The following ZKSCAN7 variants were observed in gnomAD, a reference collection of about 807,000 sequenced individuals.
ZKSCAN7 encodes the protein zinc finger with KRAB and SCAN domains 7, also known as zinc finger protein with KRAB and SCAN domains 7.
In ZKSCAN7, 38 loss-of-function variants were observed where a neutral mutation model predicts 65.3. The observed-to-expected ratio is 0.58, with a 90% CI of 0.45 to 0.76. The LOEUF is 0.76. Ranked by LOEUF, ZKSCAN7 falls within the 30% of genes least tolerant of loss-of-function variation. The pLI is 0.00. For missense variants in ZKSCAN7, 815 were observed against 913.3 expected (o/e 0.89, Z 1.39); for synonymous variants, 321 against 321.0 (o/e 1.00, Z 0.00).
chr3:44,569,840 C>T, intron 5 of ZKSCAN7, 82 bp from the exon 6 acceptor site: 1 of 1,434,514 alleles, frequency 7.0e-7, no homozygotes, highest in Non-Finnish European at 9.1e-7. Flanking sequence ...GACTTTTTTT[C>T]AGGTATGTTA....
intron 3 of ZKSCAN7, among the ~76,000 whole-genome samples, chr3:44,567,313 C>G (rs1025562329): frequency 6.6e-6 from 1 of 152,044 alleles, no homozygotes; most frequent in Non-Finnish European, 1.5e-5. Flanking sequence ...GTTGTACATG[C>G]TGGTCTTGAA....
rs1482778974 is a variant in ZKSCAN7, at chr3:44,579,945, G to A, written c.812-3027G>A. ...GACTTGGCTCTTCGGTGTGGAGACG[G>A]GGGAAGCCGAGGCGTCTGGGAGAGG... On this transcript the variant is annotated intron_variant, in intron 5 of 5. Transcript: ENST00000341840. The A allele has an allele frequency of 3.1e-6, 5 of 1,606,730 alleles. No individual in the cohort carries two copies. In the Middle Eastern group the frequency reaches 6.6e-4, roughly 213 times the overall value.
chr3:44,562,622 C>CTTTT (rs1559424332), intron 2 of ZKSCAN7, among the ~76,000 whole-genome samples: 1 of 152,214 alleles, frequency 6.6e-6, no homozygotes, highest in Non-Finnish European at 1.5e-5. Flanking sequence ...TCTTTGTTCA[C>CTTTT]AAATATGAGT....
intron 5 of ZKSCAN7, 43 bp downstream of exon 5, chr3:44,568,476 A>G (rs746459688): frequency 2.5e-6 from 4 of 1,590,430 alleles, no homozygotes; most frequent in Non-Finnish European, 3.4e-6. Context: ...TGCATGCTGC[A>G]CAATCTCTTT....
Position 44,565,417 on chromosome 3 carries a change from G to T in ZKSCAN7, c.424-70G>T, listed in dbSNP as rs73829663. ...CCTGGCTTTCTTTCTGGAGGGAGCT[G>T]CTTAGAGGTTTTGGGTTCAGTACCT... On this transcript the variant is annotated intron_variant, in intron 2 of 5. Coordinates refer to ENST00000426540, the MANE Select transcript of ZKSCAN7 (RefSeq NM_001288590.2). 304 of 1,453,530 alleles carry T rather than the reference G, an allele frequency of 2.1e-4. No individual in the cohort carries two copies. The African/African-American group carries it at 4.0e-3, about 19-fold the overall frequency. The allele number at this position is 1,453,530 out of a possible 1,614,324, so 90.0% of individuals were successfully genotyped here.
chr3:44,560,874 C>G (rs1389390199), intron 2 of ZKSCAN7, among the ~76,000 whole-genome samples: 1 of 152,160 alleles, frequency 6.6e-6, no homozygotes, highest in Non-Finnish European at 1.5e-5. Flanking sequence ...ATCATTATCT[C>G]CATTTGACAA....
At chr3:44,562,280 C>T (rs1028424886) in intron 2 of ZKSCAN7, among the ~76,000 whole-genome samples, 4 of 152,218 alleles carry the variant, frequency 2.6e-5, no homozygotes, top group Non-Finnish European at 5.9e-5. Context: ...ACAGCTGGAG[C>T]TGGAGTGGCT....
intron 5 of ZKSCAN7, among the ~76,000 whole-genome samples, chr3:44,569,431 T>C (rs1699728291): frequency 6.6e-6 from 1 of 152,234 alleles, no homozygotes; most frequent in Admixed American, 6.5e-5. Context: ...CTCCATAATA[T>C]AAATTTCCAG....
chr3:44,570,813 G>A lies in ZKSCAN7; in HGVS notation c.1703G>A (p.Arg568Gln), dbSNP rs147008651. ...TTCAGTCGGAGTAAATGTCTTATTC[G>A]ACATCAGAGCCTCCATACTGGGGAA... ...KAFSRSKCLI[R>Q]HQSLHTGEKP... Residue 568 changes from arginine to glutamine, a missense_variant, in exon 6 of 6, where the codon CGA becomes CAA. Transcript: ENST00000426540. 15 of 1,614,032 alleles carry A rather than the reference G, an allele frequency of 9.3e-6. No individual in the cohort carries two copies. The African/African-American group carries it at 9.3e-5, about 10-fold the overall frequency.
In ZKSCAN7 at chr3:44,571,779, C is replaced by T. The variant is rs192419283; in HGVS notation, c.*404C>T. ...AAGGCTGATTCATGCCTTCCTGCCT[C>T]TTGGCTATGGCCCTCCCCATCTACT... On this transcript the variant is annotated 3_prime_UTR_variant, in exon 6 of 6. Transcript: ENST00000426540. The T allele has an allele frequency of 6.9e-4, 699 of 1,017,346 alleles. 21 individuals are homozygous for T. The South Asian group carries it at 0.024, about 35-fold the overall frequency. The allele number at this position is 1,017,346 out of a possible 1,614,324, so 63.0% of individuals were successfully genotyped here.
chr3:44,569,790 CT>C lies in ZKSCAN7; in HGVS notation c.812-130del, dbSNP rs1699739707. The stretch of plus-strand genomic sequence containing the variant: ...AGCTATTAATATTTCCCATTTTGCT[CT>C]TGTTCTCAATGTGTCATCTCATTTC... On this transcript the variant is annotated intron_variant, in intron 5 of 5. Coordinates refer to ENST00000426540, the MANE Select transcript of ZKSCAN7 (RefSeq NM_001288590.2). 3 of 1,365,936 alleles carry C rather than the reference CT, an allele frequency of 2.2e-6. No individual in the cohort carries two copies. In the South Asian group the frequency reaches 7.2e-5, roughly 33 times the overall value. The allele number at this position is 1,365,936 out of a possible 1,614,324, so 84.6% of individuals were successfully genotyped here.
In ZKSCAN7 at chr3:44,571,351, A is replaced by G. The variant is rs1287278284; in HGVS notation, c.2241A>G (p.Ser747=). Residue 747 remains serine (S), a synonymous_variant, in exon 6 of 6, where the codon TCA becomes TCG. Transcript: ENST00000426540. ...GAACTCACACTGGAGAGAAGTCCTCAGGTCTGGCTTGGTCAGTTTCTTAAG... is the reference window on the plus strand; with the variant it reads ...GAACTCACACTGGAGAGAAGTCCTCGGGTCTGGCTTGGTCAGTTTCTTAAG... ...HQRTHTGEKS[S]GLAWSVS is the part of the protein sequence containing the mutation. 4 of 1,614,186 alleles carry G rather than the reference A, an allele frequency of 2.5e-6. No individual in the cohort carries two copies. Among genetic ancestry groups the G allele is most frequent in the Middle Eastern group, 1.6e-4 (1 of 6,062 alleles).
In ZKSCAN7 at chr3:44,559,700, T is replaced by C. The variant is rs1048740015; in HGVS notation, c.423+2230T>C. On this transcript the variant is annotated intron_variant, in intron 2 of 5. Coordinates refer to ENST00000426540, the MANE Select transcript of ZKSCAN7 (RefSeq NM_001288590.2). ...CCTCATCCTCCCAAAGTGCTGGAATTACAGGTGTGAGCCATCACGCTCAGC... is the reference window on the plus strand; with the variant it reads ...CCTCATCCTCCCAAAGTGCTGGAATCACAGGTGTGAGCCATCACGCTCAGC... Among the ~76,000 whole-genome samples the C allele has an allele frequency of 6.6e-5, 10 of 152,332 alleles. No homozygotes were observed. In the East Asian group the frequency reaches 1.9e-3, roughly 29 times the overall value.
At chr3:44,581,102 G>C (rs922389208) in intron 5 of ZKSCAN7, 1 of 1,005,900 alleles carries the variant, frequency 9.9e-7, no homozygotes, top group Non-Finnish European at 1.2e-6. Context: ...CAGCGCGGCC[G>C]CCGCCGCATC....
intron 5 of ZKSCAN7, chr3:44,580,406 G>C: frequency 1.9e-6 from 3 of 1,601,390 alleles, no homozygotes; most frequent in South Asian, 2.2e-5. Flanking sequence ...GCTGGTCCTT[G>C]GTCCTCATTT....
chr3:44,561,018 A>G (rs1381713962), intron 2 of ZKSCAN7, among the ~76,000 whole-genome samples: 2 of 152,192 alleles, frequency 1.3e-5, no homozygotes, highest in African/African-American at 4.8e-5. Context: ...GCTTTTCTCT[A>G]GGGTCTTGCT....
chr3:44,581,481 C>A lies in ZKSCAN7; in HGVS notation c.812-1491C>A, dbSNP rs144621264. On this transcript the variant is annotated intron_variant, in intron 5 of 5. Transcript: ENST00000341840. ...CAGATAAATCACACGGGTTAGAGAA[C>A]TTTTTGGTTTTTAGAGGTCAAGGAA... Among the ~76,000 whole-genome samples the A allele has an allele frequency of 4.8e-3, 731 of 152,252 alleles. 10 individuals are homozygous for A. Among genetic ancestry groups the A allele is most frequent in the African/African-American group, 0.017 (694 of 41,560 alleles).
rs771823013 is a variant in ZKSCAN7, at chr3:44,557,318, G to T, written c.271G>T (p.Glu91Ter). The change falls in exon 2 of 6, where the codon GAG becomes TAG. Residue 91 changes from glutamate (E) to a stop codon, truncating the protein, a stop_gained. Transcript: ENST00000426540. LOFTEE classifies it high-confidence loss of function. ...GCTCATGCCAGAGGTGCACACCAAG[G>T]AGCAGATCCTGGAGCTGCTGGTGCT... ...WWLMPEVHTK[E>*]QILELLVLEQ... 6.2e-7 allele frequency: 1 copy of T among 1,614,270 alleles called. No homozygotes were observed. The highest frequency in any genetic ancestry group is 8.5e-7 in the Non-Finnish European group (1 of 1,180,054).
Position 44,557,002 on chromosome 3 carries a change from T to C in ZKSCAN7, c.-46T>C. 6.2e-7 allele frequency: 1 copy of C among 1,611,892 alleles called. No homozygotes were observed. The highest frequency in any genetic ancestry group is 8.5e-7 in the Non-Finnish European group (1 of 1,179,318). On this transcript the variant is annotated 5_prime_UTR_variant, in exon 2 of 6. Coordinates refer to ENST00000426540, the MANE Select transcript of ZKSCAN7 (RefSeq NM_001288590.2). ...AGACCTGAACTATTGACCATCATTTTAATCGGACCAACTGCAGCTGTAACA... is the reference window on the plus strand; with the variant it reads ...AGACCTGAACTATTGACCATCATTTCAATCGGACCAACTGCAGCTGTAACA...
Sources: gnomAD v4.1 joint callset for allele counts (sites outside exome capture counted in the v4.1 genomes callset) on GRCh38, gnomAD v4.1.1 for gene constraint, MANE v1.5 for transcripts, NCBI Gene and HGNC (gene_info 2026-07-23, HGNC 2026-07-21) for gene names.